OTOGL: variants seen among roughly 807,000 people sequenced by gnomAD.
OTOGL encodes otogelin like.
In OTOGL, 285 loss-of-function variants were observed where a neutral mutation model predicts 318.5. That is an observed-to-expected ratio of 0.89 (90% CI 0.81 to 0.99). The LOEUF (loss-of-function observed/expected upper bound fraction) is 0.99. OTOGL is among the 50% of genes least tolerant of loss of function. The pLI, the probability that OTOGL is intolerant of heterozygous loss-of-function variation, is 0.00. For missense variants in OTOGL, 2,899 were observed against 2,845.6 expected, an observed-to-expected ratio of 1.02 and a Z score of -0.43; for synonymous variants, 987 against 936.5, an observed-to-expected ratio of 1.05 and a Z score of -0.99.
chr12:80,314,346 A>G lies in OTOGL; in HGVS notation c.3634+15A>G, dbSNP rs779640495. ...CTACAATGAAGGTATGTGACATTCAAATTAAAAATATCACTATAGTATTCT... is the reference window on the plus strand; with the variant it reads ...CTACAATGAAGGTATGTGACATTCAGATTAAAAATATCACTATAGTATTCT... On this transcript the variant is annotated intron_variant, in intron 32 of 58. Coordinates refer to ENST00000547103, the MANE Select transcript of OTOGL (RefSeq NM_001378609.3). 2.9e-6 allele frequency: 3 copies of G among 1,031,322 alleles called. No homozygotes were observed. The highest frequency in any genetic ancestry group is 3.9e-6 in the Non-Finnish European group (3 of 773,752). The allele number at this position is 1,031,322 out of a possible 1,614,324, so 63.9% of individuals were successfully genotyped here.
intron 44 of OTOGL, among the ~76,000 whole-genome samples, chr12:80,351,453 T>C (rs1462046989): frequency 6.6e-6 from 1 of 152,072 alleles, no homozygotes; most frequent in Admixed American, 6.5e-5. Context: ...GTAGCTGGGA[T>C]TACAGGCACG....
At chr12:80,108,260 T>C (rs1172859208) in intron 1 of OTOGL, among the ~76,000 whole-genome samples, 1 of 152,140 alleles carries the variant, frequency 6.6e-6, no homozygotes, top group Non-Finnish European at 1.5e-5. Context: ...AAATGGATTA[T>C]GTCATTTGAA....
intron 33 of OTOGL, among the ~76,000 whole-genome samples, chr12:80,318,973 A>T (rs887680511): frequency 6.7e-6 from 1 of 149,530 alleles, no homozygotes; most frequent in African/African-American, 2.6e-5. Flanking sequence ...TATAGCTAAA[A>T]TTTTCATAGT....
At chr12:80,100,596 G>C (rs1400983904) in intron 1 of OTOGL, among the ~76,000 whole-genome samples, 1 of 152,140 alleles carries the variant, frequency 6.6e-6, no homozygotes, top group Non-Finnish European at 1.5e-5. Context: ...CCGCTAGAAA[G>C]TATTACATGA....
chr12:80,318,782 T>C (rs1409375987), intron 33 of OTOGL, 69 bp downstream of exon 33: 3 of 1,067,378 alleles, frequency 2.8e-6, no homozygotes, highest in East Asian at 3.2e-5. Context: ...TCAGTAAATA[T>C]TAATTGAGAA....
At position 80,225,158 on chromosome 12, in the gene OTOGL, T is replaced by G. The variant is rs1029054056; in HGVS notation, c.489+2913T>G. ...GCATAAGAATAAAAATTTAGAGGTC[T>G]CTTTAGATAGGGCAGTTGGTGAAAT... is the stretch of plus-strand genomic sequence containing the variant. On this transcript the variant is annotated intron_variant, in intron 7 of 58. Transcript: ENST00000547103. 4.5e-4 allele frequency among the ~76,000 whole-genome samples: 69 copies of G among 152,148 alleles called. 2 individuals carry two copies.
intron 57 of OTOGL, among the ~76,000 whole-genome samples, chr12:80,373,196 G>A (rs1192100308): frequency 6.6e-6 from 1 of 152,086 alleles, no homozygotes; most frequent in Non-Finnish European, 1.5e-5. Flanking sequence ...CACTTTGGGA[G>A]GCCAAGTTGG....
intron 57 of OTOGL, among the ~76,000 whole-genome samples, chr12:80,372,964 A>G (rs996555734): frequency 2.0e-5 from 3 of 152,048 alleles, no homozygotes; most frequent in African/African-American, 7.2e-5. Flanking sequence ...TGGGATTACT[A>G]TTTCATACTA....
At chr12:80,249,453 G>T (rs1178881234) in intron 11 of OTOGL, among the ~76,000 whole-genome samples, 1 of 151,460 alleles carries the variant, frequency 6.6e-6, no homozygotes, top group Non-Finnish European at 1.5e-5. Flanking sequence ...CCCTGCTGGG[G>T]GGTGCCTCCC....
In OTOGL at chr12:80,337,024, A is replaced by T. The variant is rs1022844229; in HGVS notation, c.4860+20A>T. On this transcript the variant is annotated intron_variant, in intron 42 of 58. Transcript: ENST00000547103. ...AGAAAGGTAAGAATACAAAGTTAAA[A>T]TTTTTTCTCACATTAGATGAAAATA... 44 of 1,504,826 alleles carry T rather than the reference A, an allele frequency of 2.9e-5. No individual in the cohort carries two copies. Among genetic ancestry groups the T allele is most frequent in the Non-Finnish European group, 3.1e-5 (34 of 1,105,594 alleles). 93.2% of individuals were successfully genotyped at this position (1,504,826 alleles called of 1,614,324 possible).
chr12:80,323,825 G>A lies in OTOGL; in HGVS notation c.4184G>A (p.Cys1395Tyr). Reference sequence around the variant, plus strand: ...TGTAGTGACCCTGAAGCACTAGCATGTAAATTTCTTCCACCGTAAGTAACG... The same window carrying A: ...TGTAGTGACCCTGAAGCACTAGCATATAAATTTCTTCCACCGTAAGTAACG... ...KTCSDPEALA[C>Y]KFLPPVEGCL... The change falls in exon 35 of 59, where the codon TGT (cysteine) becomes TAT (tyrosine). Residue 1395 changes from cysteine to tyrosine, a missense_variant. Physicochemically the swap from Cys to Tyr is radical, Grantham distance 194. Around this residue, in one of 3 missense-constraint regions of OTOGL, gnomAD observed 2,607 missense variants for 2,524.9 expected, o/e 1.03. Coordinates refer to ENST00000547103, the MANE Select transcript of OTOGL (RefSeq NM_001378609.3). 6.2e-7 allele frequency: 1 copy of A among 1,611,488 alleles called. No homozygotes were observed. Among genetic ancestry groups the A allele is most frequent in the South Asian group, 1.1e-5 (1 of 91,022 alleles).
At position 80,255,039 on chromosome 12, in the gene OTOGL, G is replaced by A. The variant is rs1176601299; in HGVS notation, c.1442-1G>A. ...CTTTGTTTTCTTTTTTTTTTTGGCA[G>A]TTCAATGCTCAGTTGTAGGTGATTC... On this transcript the variant is annotated splice_acceptor_variant, in intron 15 of 58. Transcript: ENST00000547103. LOFTEE classifies it high-confidence loss of function. 3 of 1,421,488 alleles carry A rather than the reference G, an allele frequency of 2.1e-6. No individual in the cohort carries two copies. Among genetic ancestry groups the A allele is most frequent in the Non-Finnish European group, 2.8e-6 (3 of 1,088,632 alleles). 88.1% of individuals were successfully genotyped at this position (1,421,488 alleles called of 1,614,324 possible). A position where few individuals can be genotyped will look rare whatever the true frequency, so the allele number is the denominator to read the frequency against.
intron 7 of OTOGL, among the ~76,000 whole-genome samples, chr12:80,227,422 G>C (rs938690575): frequency 6.6e-6 from 1 of 151,692 alleles, no homozygotes; most frequent in African/African-American, 2.4e-5. Context: ...CCTTTCTTTT[G>C]TTTATTTGAT....
intron 44 of OTOGL, chr12:80,343,509 G>GTTTTTTTTTTTTTTTTTTTTTGTTT (rs1888939964): frequency 2.8e-5 from 1 of 35,868 alleles, no homozygotes; most frequent in Admixed American, 3.7e-4. Flanking sequence ...TTTTATTCTT[G>GTTTTTTTTTTTTTTTTTTTTTGTTT]TTTTTTTTTT....
rs142794379 is a variant in OTOGL, at chr12:80,279,440, C to T, written c.2928+274C>T. ...AGATAGTTTTTTGACCCTTACCCTC[C>T]TCCCATCCTTCACCCTTAAGTAGTA... On this transcript the variant is annotated intron_variant, in intron 26 of 58. Transcript: ENST00000547103. Among the ~76,000 whole-genome samples the T allele has an allele frequency of 7.8e-3, 1,179 of 151,556 alleles. 7 individuals are homozygous for T. The highest frequency in any genetic ancestry group is 0.027 in the Middle Eastern group (8 of 294).
intron 1 of OTOGL, among the ~76,000 whole-genome samples, chr12:80,118,199 G>A (rs1408322808): frequency 1.3e-5 from 2 of 152,200 alleles, no homozygotes; most frequent in South Asian, 2.1e-4. Context: ...GAGTTTGGCA[G>A]CCTCTGATGA....
intron 57 of OTOGL, among the ~76,000 whole-genome samples, chr12:80,374,848 C>T (rs1891091174): frequency 6.6e-6 from 1 of 152,130 alleles, no homozygotes; most frequent in Admixed American, 6.6e-5. Context: ...TGGCCTGCCA[C>T]ACACTGACAC....
intron 1 of OTOGL, among the ~76,000 whole-genome samples, chr12:80,180,049 A>T (rs574277630): frequency 1.3e-5 from 2 of 152,254 alleles, no homozygotes; most frequent in Non-Finnish European, 2.9e-5. Flanking sequence ...GTTTTATCCT[A>T]CAAGTGCTAT....
rs547017535 is a variant in OTOGL at position 80,115,685 on chromosome 12, T to C, written c.-20+16080T>C. On this transcript the variant is annotated intron_variant, in intron 1 of 58. Coordinates refer to ENST00000547103, the MANE Select transcript of OTOGL (RefSeq NM_001378609.3). ...CCCCAGGTGCTCTGTCCCAGGGAGA[T>C]GGGAGTTTTATGTATAAACCCCTGA... Among the ~76,000 whole-genome samples the C allele has an allele frequency of 1.1e-4, 16 of 152,324 alleles. No individual in the cohort carries two copies. In the East Asian group the frequency reaches 2.5e-3, roughly 24 times the overall value.
Sources: allele counts gnomAD v4.1 joint callset (sites outside exome capture counted in the v4.1 genomes callset), GRCh38; gene constraint gnomAD v4.1.1; regional missense constraint gnomAD v4.1.1; transcripts MANE v1.5; gene names NCBI Gene and HGNC (gene_info 2026-07-23, HGNC 2026-07-21).